Variants in KIAA1549 observed in about 807,000 individuals in gnomAD.
KIAA1549 encodes UPF0606 protein KIAA1549.
Under a neutral mutation model 156.4 loss-of-function variants are expected in KIAA1549, and 70 were observed. The ratio of observed to expected loss-of-function variants is 0.45; its 90% CI spans 0.37 to 0.55. KIAA1549 has a LOEUF of 0.55. Among genes scored for constraint, KIAA1549 ranks in the 20% least tolerant of loss-of-function variants. The pLI, the probability that KIAA1549 is intolerant of heterozygous loss-of-function variation, is 0.00. For synonymous variants in KIAA1549, 1,103 were observed against 1,066.4 expected (o/e 1.03, Z -0.67); for missense variants, 2,428 against 2,540.9 (o/e 0.96, Z 0.96).
chr7:138,913,163 C>T lies in KIAA1549; in HGVS notation c.2879-703G>A, dbSNP rs570767500. On this transcript the variant is annotated intron_variant, in intron 2 of 19. Transcript: ENST00000422774. ...TGCTGGGATTATAGACGTGAGCCAC[C>T]GCACCCAGCCAGAAGTAACATTTTT... Among the ~76,000 whole-genome samples the T allele has an allele frequency of 1.8e-3, 281 of 152,144 alleles. 2 individuals carry two copies. The highest frequency in any genetic ancestry group is 6.0e-3 in the African/African-American group (248 of 41,510).
At chr7:138,903,175 A>G (rs1346859694) in intron 8 of KIAA1549, among the ~76,000 whole-genome samples, 1 of 152,238 alleles carries the variant, frequency 6.6e-6, no homozygotes, top group South Asian at 2.1e-4. Context: ...GTCTCCCTCT[A>G]TCTGCTCTCC....
intron 1 of KIAA1549, among the ~76,000 whole-genome samples, chr7:138,926,068 A>G (rs1481518160): frequency 6.6e-6 from 1 of 152,090 alleles, no homozygotes; most frequent in Non-Finnish European, 1.5e-5. Flanking sequence ...AAGTGTCTCT[A>G]AAGAGCTTTC....
intron 1 of KIAA1549, among the ~76,000 whole-genome samples, chr7:138,980,134 TTTG>T (rs754256994): frequency 2.6e-5 from 4 of 152,138 alleles, no homozygotes; most frequent in Non-Finnish European, 4.4e-5. Context: ...CTTTCTGGTT[TTTG>T]TTCTGTGTGC....
chr7:138,933,999 C>T (rs1812940937), intron 1 of KIAA1549, among the ~76,000 whole-genome samples: 1 of 152,044 alleles, frequency 6.6e-6, no homozygotes, highest in Admixed American at 6.6e-5. Context: ...TAAAATACAA[C>T]TCTTGCAAAA....
Position 138,958,898 on chromosome 7 carries a change from G to C in KIAA1549, c.187+22185C>G, listed in dbSNP as rs1012713346. On this transcript the variant is annotated intron_variant, in intron 1 of 19. Coordinates refer to ENST00000422774, the MANE Select transcript of KIAA1549 (RefSeq NM_001164665.2). ...AGCCCAAAGGTTTTTTTTTTGTTTT[G>C]TTTAGTTTGTTTCGTTTTTGAGATA... Among the ~76,000 whole-genome samples the C allele has an allele frequency of 3.3e-5, 5 of 150,950 alleles. No individual in the cohort carries two copies. The East Asian group carries it at 9.7e-4, about 29-fold the overall frequency.
At position 138,885,850 on chromosome 7, in the gene KIAA1549, G is replaced by A. The variant is rs772309460; in HGVS notation, c.4033-4266C>T. Among the ~76,000 whole-genome samples, 7 of 148,772 alleles carry A rather than the reference G, an allele frequency of 4.7e-5. No homozygotes were observed. The East Asian group carries it at 6.0e-4, about 13-fold the overall frequency. ...TGGGAACCTCAACTTGAAGCCAGTC[G>A]GTCAGAAGTTCTGGAGACCTACACT... is the stretch of plus-strand genomic sequence containing the variant. On this transcript the variant is annotated intron_variant, in intron 10 of 19. Coordinates refer to ENST00000422774, the MANE Select transcript of KIAA1549 (RefSeq NM_001164665.2).
intron 4 of KIAA1549, among the ~76,000 whole-genome samples, chr7:138,909,697 AG>A (rs1812112826): frequency 6.6e-6 from 1 of 152,234 alleles, no homozygotes; most frequent in Non-Finnish European, 1.5e-5. Flanking sequence ...CTGTAATTCC[AG>A]CACTTTGGGA....
At chr7:138,938,511 A>G (rs202244985) in intron 1 of KIAA1549, among the ~76,000 whole-genome samples, 2 of 152,132 alleles carry the variant, frequency 1.3e-5, no homozygotes, top group East Asian at 3.8e-4. Flanking sequence ...TAACTCTCTA[A>G]GTGTCTATAA....
In KIAA1549 at chr7:138,832,243, C is replaced by T; in HGVS notation, c.*5663G>A. 1 of 200,124 alleles carries T rather than the reference C, an allele frequency of 5.0e-6. No homozygotes were observed. The allele number at this position is 200,124 out of a possible 1,614,324, so 12.4% of individuals were successfully genotyped here. On this transcript the variant is annotated 3_prime_UTR_variant, in exon 20 of 20. Coordinates refer to ENST00000422774, the MANE Select transcript of KIAA1549 (RefSeq NM_001164665.2). The stretch of plus-strand genomic sequence containing the variant: ...ACAGGACCTCACCCTGCAGCCCAGG[C>T]TGGAGTGCAGTGGCGTGATTATAGC...
intron 10 of KIAA1549, among the ~76,000 whole-genome samples, chr7:138,888,147 T>A (rs977275726): frequency 6.6e-6 from 1 of 152,206 alleles, no homozygotes; most frequent in African/African-American, 2.4e-5. Context: ...GAGCTCACCA[T>A]CCTCAGGAAT....
chr7:138,911,056 A>T lies in KIAA1549; in HGVS notation c.3145+90T>A, dbSNP rs1040856779. 8 of 1,005,984 alleles carry T rather than the reference A, an allele frequency of 8.0e-6. No individual in the cohort carries two copies. The Admixed American group carries it at 1.9e-4, about 24-fold the overall frequency. The allele number at this position is 1,005,984 out of a possible 1,614,324, so 62.3% of individuals were successfully genotyped here. On this transcript the variant is annotated intron_variant, in intron 4 of 19. Coordinates refer to ENST00000422774, the MANE Select transcript of KIAA1549 (RefSeq NM_001164665.2). ...CTAAAAATCATCATCATAATAATAA[A>T]TTCTAAAAATGATTTCCAATATTTT...
chr7:138,894,500 G>C lies in KIAA1549; in HGVS notation c.3874C>G (p.Pro1292Ala). 6.2e-7 allele frequency: 1 copy of C among 1,614,004 alleles called. No homozygotes were observed. The highest frequency in any genetic ancestry group is 1.3e-5 in the African/African-American group (1 of 75,038). Reference protein sequence around the residue: ...QPVDRVKRPSPESQSNNLWVI... With the variant: ...QPVDRVKRPSAESQSNNLWVI... ...CACAAGTTGTTGCTCTGGGATTCCG[G>C]AGACGGCCTCTTCACCCTGTCGACA... Residue 1292 changes from proline (P) to alanine (A), a missense_variant, in exon 10 of 20, where the codon CCG becomes GCG. Physicochemically the swap from Pro to Ala is conservative, Grantham distance 27 (BLOSUM62 -1). Transcript: ENST00000422774.
chr7:138,881,699 G>A (rs907568742), intron 10 of KIAA1549, 115 bp from the exon 11 acceptor site: 3 of 864,276 alleles, frequency 3.5e-6, no homozygotes, highest in Admixed American at 5.6e-5. Flanking sequence ...AATCCAACAA[G>A]CATCGCTAGA....
rs1405865577 is a variant in KIAA1549 at position 138,917,485 on chromosome 7, G to C, written c.2141C>G (p.Ser714Cys). ...GAAGCTTGACCATGGTGACACCTCA[G>C]AACGGCTAGGTAGCAACATGATGGT... ...LNTIMLLPSR[S>C]EVSPWSSFPS... Residue 714 changes from serine (S) to cysteine (C), a missense_variant, in exon 2 of 20, where the codon TCT (serine) becomes TGT (cysteine). Coordinates refer to ENST00000422774, the MANE Select transcript of KIAA1549 (RefSeq NM_001164665.2). The C allele has an allele frequency of 6.2e-7, 1 of 1,613,788 alleles. No individual in the cohort carries two copies. Among genetic ancestry groups the C allele is most frequent in the Non-Finnish European group, 8.5e-7 (1 of 1,179,880 alleles).
Position 138,949,453 on chromosome 7 carries a change from A to T in KIAA1549, c.188-30015T>A, listed in dbSNP as rs550747037. ...TTTTATTTTTAAATAAAAAATCAGT[A>T]TTTTTTTAAAGTAAATGGAAGTTCT... On this transcript the variant is annotated intron_variant, in intron 1 of 19. Coordinates refer to ENST00000422774, the MANE Select transcript of KIAA1549 (RefSeq NM_001164665.2). Among the ~76,000 whole-genome samples, 1,130 of 152,228 alleles carry T rather than the reference A, an allele frequency of 7.4e-3. 14 individuals are homozygous for T. Among genetic ancestry groups the T allele is most frequent in the African/African-American group, 0.026 (1,088 of 41,524 alleles).
Position 138,882,252 on chromosome 7 carries a change from A to G in KIAA1549, c.4033-668T>C, listed in dbSNP as rs533289430. ...TGAGCCCCAAATCTTAGCAGTGAAC[A>G]TGGGAAGGAATGAACAGCTCTAGGG... On this transcript the variant is annotated intron_variant, in intron 10 of 19. Coordinates refer to ENST00000422774, the MANE Select transcript of KIAA1549 (RefSeq NM_001164665.2). 3.9e-5 allele frequency among the ~76,000 whole-genome samples: 6 copies of G among 152,362 alleles called. No individual in the cohort carries two copies. In the South Asian group the frequency reaches 1.2e-3, roughly 32 times the overall value.
chr7:138,963,781 A>C (rs1029111096), intron 1 of KIAA1549, among the ~76,000 whole-genome samples: 4 of 152,230 alleles, frequency 2.6e-5, no homozygotes, highest in Non-Finnish European at 5.9e-5. Context: ...CACTAACTTA[A>C]TTAACGGAGG....
At chr7:138,920,247 T>TC (rs1812530263) in intron 1 of KIAA1549, among the ~76,000 whole-genome samples, 9 of 149,064 alleles carry the variant, frequency 6.0e-5, no homozygotes, top group South Asian at 2.2e-4. Flanking sequence ...GGATGGCTCC[T>TC]TCTGGCCCTT....
rs746094701 is a variant in KIAA1549 at position 138,918,281 on chromosome 7, C to T, written c.1345G>A (p.Glu449Lys). ...TCCAGCACGGTCATGCACAGAGTCT[C>T]GGCACCATCCCCTGATCCCACGTCT... ...EKDVGSGDGA[E>K]TLCMTVLEES... The change falls in exon 2 of 20, where the codon GAG (glutamate) becomes AAG (lysine). Residue 449 changes from glutamate (E) to lysine (K), a missense_variant. Glu to Lys is a moderately conservative substitution (Grantham distance 56, BLOSUM62 1). Around this residue, in one of 5 missense-constraint regions of KIAA1549, gnomAD observed 893 missense variants for 847.9 expected, o/e 1.05. Coordinates refer to ENST00000422774, the MANE Select transcript of KIAA1549 (RefSeq NM_001164665.2). The surrounding 1 kb of genome is among the most constrained non-coding windows in gnomAD (Gnocchi z 4.2). 2.5e-5 allele frequency: 41 copies of T among 1,613,878 alleles called. 1 individual carries two copies. The South Asian group carries it at 3.3e-4, about 13-fold the overall frequency.
Sources: gnomAD v4.1 joint callset for allele counts (sites outside exome capture counted in the v4.1 genomes callset) on GRCh38, gnomAD v4.1.1 for gene constraint, gnomAD v4.1.1 regional missense constraint, Gnocchi (gnomAD v3.1) non-coding constraint, MANE v1.5 for transcripts, NCBI Gene and HGNC (gene_info 2026-07-23, HGNC 2026-07-21) for gene names.